CELF2: variants seen among roughly 807,000 people sequenced by gnomAD.
CELF2 encodes the protein CUG triplet repeat RNA-binding protein 2.
In CELF2, 8 loss-of-function variants were observed where a neutral mutation model predicts 62.6. The observed-to-expected ratio is 0.13, with a 90% CI of 0.07 to 0.23. The LOEUF (loss-of-function observed/expected upper bound fraction) is 0.23. Among genes scored for constraint, CELF2 ranks in the 10% least tolerant of loss-of-function variants. The pLI is 1.00. For synonymous variants in CELF2, 258 were observed against 250.0 expected, an observed-to-expected ratio of 1.03 and a Z score of -0.30; for missense variants, 333 against 671.0, an observed-to-expected ratio of 0.50 and a Z score of 5.56.
intron 5 of CELF2, among the ~76,000 whole-genome samples, chr10:11,261,898 C>T (rs1271437957): frequency 6.6e-6 from 1 of 152,232 alleles, no homozygotes; most frequent in African/African-American, 2.4e-5. Flanking sequence ...TCGACAGCAT[C>T]ACCCTAGCAT....
intron 1 of CELF2, among the ~76,000 whole-genome samples, chr10:10,807,518 C>G (rs1297388661): frequency 3.3e-5 from 5 of 151,988 alleles, no homozygotes; most frequent in Non-Finnish European, 7.4e-5. Flanking sequence ...TGCACCTGTG[C>G]AAATAACTAT....
chr10:10,559,935 T>C, the CELF2 span, among the ~76,000 whole-genome samples: 3 of 152,192 alleles, frequency 2.0e-5, no homozygotes, highest in Non-Finnish European at 4.4e-5. Context: ...TTGATGAAGC[T>C]TTAGAAGTCC....
At chr10:11,250,203 CAG>C (rs1483181470) in intron 4 of CELF2, among the ~76,000 whole-genome samples, 1 of 152,230 alleles carries the variant, frequency 6.6e-6, no homozygotes, top group Non-Finnish European at 1.5e-5. Context: ...CCCGACTTGT[CAG>C]AGCTTTCTTC....
chr10:11,261,934 C>T (rs953717206), intron 5 of CELF2, among the ~76,000 whole-genome samples: 5 of 152,232 alleles, frequency 3.3e-5, no homozygotes, highest in African/African-American at 1.2e-4. Context: ...TACACACACT[C>T]TCACTTACCC....
chr10:11,111,457 G>A (rs7080237), intron 1 of CELF2, among the ~76,000 whole-genome samples: 2 of 152,108 alleles, frequency 1.3e-5, no homozygotes, highest in Admixed American at 6.5e-5. Context: ...TCAATAAAAT[G>A]TGTCTCATAG....
chr10:11,318,932 A>T lies in CELF2; in HGVS notation c.1097-2257A>T, dbSNP rs1181177343. On this transcript the variant is annotated intron_variant, in intron 10 of 12. Transcript: ENST00000633077. The surrounding 1 kb of genome is among the most constrained non-coding windows in gnomAD (Gnocchi z 5.4). The stretch of plus-strand genomic sequence containing the variant: ...TGAAAACTCCCACCCGCAGCAGACA[A>T]GGCATCATGGTGGTGCGATGCTGCC... The T allele has an allele frequency of 4.2e-6, 2 of 471,128 alleles. No individual in the cohort carries two copies. Among genetic ancestry groups the T allele is most frequent in the East Asian group, 1.4e-4 (2 of 14,382 alleles). The allele number at this position is 471,128 out of a possible 1,614,324, so 29.2% of individuals were successfully genotyped here. A position where few individuals can be genotyped will look rare whatever the true frequency, so the allele number is the denominator to read the frequency against.
At chr10:10,895,651 G>A (rs2133992979) in intron 1 of CELF2, among the ~76,000 whole-genome samples, 1 of 152,160 alleles carries the variant, frequency 6.6e-6, no homozygotes, top group East Asian at 1.9e-4. Flanking sequence ...TACAACTGCA[G>A]GATATCTGCT....
chr10:10,709,679 A>G, the CELF2 span, among the ~76,000 whole-genome samples: 2 of 152,196 alleles, frequency 1.3e-5, no homozygotes, highest in African/African-American at 4.8e-5. Context: ...GTTATTTCTG[A>G]TCACTGTTTA....
chr10:10,629,877 GA>G, the CELF2 span, among the ~76,000 whole-genome samples: 2 of 26,916 alleles, frequency 7.4e-5, no homozygotes, highest in Non-Finnish European at 1.4e-4. Context: ...AAAAAAAAAA[GA>G]AAAAAAAAAA....
chr10:10,510,950 A>T, the CELF2 span, among the ~76,000 whole-genome samples: 365 of 152,164 alleles, frequency 2.4e-3, 1 homozygote, highest in African/African-American at 8.5e-3. Context: ...GAGGCACTAA[A>T]GGGAAAAGGA....
the CELF2 span, among the ~76,000 whole-genome samples, chr10:10,500,375 G>A: frequency 2.6e-5 from 4 of 152,006 alleles, no homozygotes; most frequent in East Asian, 1.9e-4. Context: ...ATCTTGAATC[G>A]TAGCTTCTAC....
chr10:11,074,550 A>G (rs1409246636), intron 1 of CELF2, among the ~76,000 whole-genome samples: 1 of 152,188 alleles, frequency 6.6e-6, no homozygotes, highest in Non-Finnish European at 1.5e-5. Flanking sequence ...TGGTTTGCCT[A>G]ATTAATATTC....
chr10:11,127,578 T>TTTAA (rs1250893199), intron 1 of CELF2, among the ~76,000 whole-genome samples: 1 of 152,240 alleles, frequency 6.6e-6, no homozygotes, highest in African/African-American at 2.4e-5. Flanking sequence ...TTTTTAATGA[T>TTTAA]TGCCATTCTA....
intron 7 of CELF2, among the ~76,000 whole-genome samples, chr10:11,274,463 G>C (rs3780999): frequency 0.45 from 67,876 of 152,204 alleles, 17,290 homozygotes; most frequent in Non-Finnish European, 0.59. Context: ...GATGTACATA[G>C]CACCAGATAG....
the CELF2 span, among the ~76,000 whole-genome samples, chr10:10,657,001 C>A: frequency 2.0e-5 from 3 of 149,204 alleles, no homozygotes; most frequent in Admixed American, 6.7e-5. Context: ...TAATGGCCAA[C>A]AAGTGGAAAC....
At chr10:11,064,127 G>A (rs117367446) in intron 1 of CELF2, among the ~76,000 whole-genome samples, 61 of 152,146 alleles carry the variant, frequency 4.0e-4, no homozygotes, top group East Asian at 1.5e-3. Context: ...TTGTTGTTTC[G>A]GGCAAAAGAT....
At chr10:10,764,782 T>C in the CELF2 span, among the ~76,000 whole-genome samples, 1 of 152,140 alleles carries the variant, frequency 6.6e-6, no homozygotes, top group African/African-American at 2.4e-5. Context: ...TGAAGAGGTC[T>C]CCCCCACTTT....
intron 1 of CELF2, among the ~76,000 whole-genome samples, chr10:11,148,074 A>G (rs575926917): frequency 6.6e-6 from 1 of 152,392 alleles, no homozygotes; most frequent in South Asian, 2.1e-4. Context: ...AACAGCCATG[A>G]AAGTGACCCC....
In CELF2 at chr10:11,110,061, C is replaced by G. The variant is rs890007253; in HGVS notation, c.75-55425C>G. ...ATGGCTTGAGCTCGGGAGTTTGAGA[C>G]CAGCTTGGGCAACATAGCAAGACCT... On this transcript the variant is annotated intron_variant, in intron 1 of 12. Coordinates refer to ENST00000633077, the MANE Select transcript of CELF2 (RefSeq NM_001326342.2). The surrounding 1 kb of genome is among the most constrained non-coding windows in gnomAD (Gnocchi z 4.0). Among the ~76,000 whole-genome samples, 1 of 152,064 alleles carries G rather than the reference C, an allele frequency of 6.6e-6. No individual in the cohort carries two copies. The highest frequency in any genetic ancestry group is 1.5e-5 in the Non-Finnish European group (1 of 68,010).
Sources: allele counts gnomAD v4.1 joint callset (sites outside exome capture counted in the v4.1 genomes callset), GRCh38; gene constraint gnomAD v4.1.1; non-coding constraint Gnocchi (gnomAD v3.1); transcripts MANE v1.5; gene names NCBI Gene and HGNC (gene_info 2026-07-23, HGNC 2026-07-21).